The following TNXB variants were observed in gnomAD, a reference collection of about 807,000 sequenced individuals.
TNXB encodes tenascin-X.
A neutral mutation model predicts 340.5 loss-of-function variants in TNXB; 183 were observed. The observed-to-expected ratio is 0.54, with a 90% confidence interval of 0.48 to 0.61. The LOEUF is 0.61. TNXB is among the 20% of genes least tolerant of loss of function. TNXB has a pLI of 0.00. For missense variants in TNXB, 4,613 were observed against 5,446.4 expected, an observed-to-expected ratio of 0.85 and a Z score of 4.82; for synonymous variants, 2,121 against 2,314.5, an observed-to-expected ratio of 0.92 and a Z score of 2.40.
chr6:32,076,710 G>A (rs1040298145), intron 11 of TNXB, among the ~76,000 whole-genome samples: 1 of 152,198 alleles, frequency 6.6e-6, no homozygotes, highest in African/African-American at 2.4e-5. Context: ...GGCTGGGCAC[G>A]GTGCCTCACG....
rs375984855 is a variant in TNXB at position 32,096,498 on chromosome 6, C to T, written c.1355G>A (p.Cys452Tyr). ...RGRCENGVCVCNAGYSGEDCG... is the reference protein window; with the variant it reads ...RGRCENGVCVYNAGYSGEDCG... The stretch of plus-strand genomic sequence containing the variant: ...GTCCTCGCCGCTGTAGCCCGCATTG[C>T]AAACACACACGCCGTTCTCGCAGCG... The change falls in exon 3 of 44, where the codon TGC (cysteine) becomes TAC (tyrosine). Residue 452 changes from cysteine (C) to tyrosine (Y), a missense_variant. Cys to Tyr is a radical substitution (Grantham distance 194). Around this residue, in one of 7 missense-constraint regions of TNXB, gnomAD observed 4,327 missense variants for 4,859.4 expected, o/e 0.89. Transcript: ENST00000644971. The T allele has an allele frequency of 1.6e-4, 264 of 1,601,112 alleles. 1 individual carries two copies. The African/African-American group carries it at 3.2e-3, about 19-fold the overall frequency.
rs764131767 is a variant in TNXB, at chr6:32,048,578, G to A, written c.9830C>T (p.Ser3277Leu). 6.4e-7 allele frequency: 1 copy of A among 1,553,494 alleles called. No homozygotes were observed. The highest frequency in any genetic ancestry group is 8.7e-7 in the Non-Finnish European group (1 of 1,146,380). ...ELAVAAVTSDSVGLSWTVAQG... is the reference protein window; with the variant it reads ...ELAVAAVTSDLVGLSWTVAQG... ...GGCCACCGTCCATGAGAGGCCCACT[G>A]AGTCCGAGGTCACGGCCGCCACCGC... is the stretch of plus-strand genomic sequence containing the variant. Residue 3277 changes from serine to leucine, a missense_variant, in exon 29 of 44, where the codon TCA becomes TTA. Around this residue, in one of 7 missense-constraint regions of TNXB, gnomAD observed 4,327 missense variants for 4,859.4 expected, o/e 0.89. Coordinates refer to ENST00000644971, the MANE Select transcript of TNXB (RefSeq NM_001365276.2).
In TNXB at chr6:32,069,864, G is replaced by C. The variant is rs1778655184; in HGVS notation, c.5279-3C>G. The stretch of plus-strand genomic sequence containing the variant: ...ATCATCCATAGCACTCCGGGCTTCT[G>C]AGATGGAGACACGGAGAGGAAACGG... On this transcript the variant is annotated splice_polypyrimidine_tract_variant and splice_region_variant and intron_variant, in intron 14 of 43. Coordinates refer to ENST00000644971, the MANE Select transcript of TNXB (RefSeq NM_001365276.2). The surrounding 1 kb of genome is among the most constrained non-coding windows in gnomAD (Gnocchi z 6.2). 6.3e-7 allele frequency: 1 copy of C among 1,582,116 alleles called. No individual in the cohort carries two copies.
At position 32,049,349 on chromosome 6, in the gene TNXB, G is replaced by C. The variant is rs370447794; in HGVS notation, c.9678C>G (p.Pro3226=). The change falls in exon 28 of 44, where the codon CCC becomes CCG. Residue 3226 remains proline, a synonymous_variant. Transcript: ENST00000644971. The surrounding 1 kb of genome is among the most constrained non-coding windows in gnomAD (Gnocchi z 4.5). The part of the protein sequence containing the change: ...ESEVTVGGLE[P]GRKYKMHLYG... ...ACAGATGCATCTTGTATTTGCGCCC[G>C]GGCTCCAGGCCCCCCACGGTGACCT... 249 of 1,612,438 alleles carry C rather than the reference G, an allele frequency of 1.5e-4. No homozygotes were observed. The African/African-American group carries it at 2.3e-3, about 15-fold the overall frequency.
rs1403811998 is a variant in TNXB, at chr6:32,083,680, T to C, written c.3445+733A>G. ...TTTTTTTTGAGACAGGGTGTTGCTC[T>C]GTGCAGAGTGTGGATAGCACCCAGG... is the stretch of plus-strand genomic sequence containing the variant. On this transcript the variant is annotated intron_variant, in intron 8 of 43. Transcript: ENST00000644971. The surrounding 1 kb of genome is among the most constrained non-coding windows in gnomAD (Gnocchi z 4.6). Among the ~76,000 whole-genome samples the C allele has an allele frequency of 6.6e-6, 1 of 152,094 alleles. No homozygotes were observed. Among genetic ancestry groups the C allele is most frequent in the Non-Finnish European group, 1.5e-5 (1 of 67,998 alleles).
In TNXB at chr6:32,098,137, G is replaced by GCTGTGCT; in HGVS notation, c.55_61dup (p.Ala21GlufsTer60). ...CCGTGAAGAGAAGGGGCCTGCTCTG[G>GCTGTGCT]CTGTGCTCAGCAGCACCAGGAGAAC... On this transcript the variant is annotated frameshift_variant, in exon 2 of 44. Coordinates refer to ENST00000644971, the MANE Select transcript of TNXB (RefSeq NM_001365276.2). LOFTEE classifies it high-confidence loss of function. 2 of 1,583,702 alleles carry GCTGTGCT rather than the reference G, an allele frequency of 1.3e-6. No homozygotes were observed. Among genetic ancestry groups the GCTGTGCT allele is most frequent in the Non-Finnish European group, 1.7e-6 (2 of 1,161,412 alleles).
At position 32,083,801 on chromosome 6, in the gene TNXB, C is replaced by T. The variant is rs547473215; in HGVS notation, c.3445+612G>A. 1.3e-5 allele frequency among the ~76,000 whole-genome samples: 2 copies of T among 152,098 alleles called. No individual in the cohort carries two copies. The highest frequency in any genetic ancestry group is 6.6e-5 in the Admixed American group (1 of 15,264). ...CAAGCCTCTCAAGTAGCTGGGACTA[C>T]AGGCACGCACCACCACGCCTGGCTA... On this transcript the variant is annotated intron_variant, in intron 8 of 43. Coordinates refer to ENST00000644971, the MANE Select transcript of TNXB (RefSeq NM_001365276.2). This position sits in a 1 kb window ranked among gnomAD's most constrained non-coding sequence, Gnocchi z 4.6.
intron 34 of TNXB, 31 bp from the exon 35 acceptor site, chr6:32,043,923 G>A (rs777041397): frequency 1.2e-6 from 2 of 1,613,188 alleles, no homozygotes; most frequent in Non-Finnish European, 8.5e-7. Flanking sequence ...GGGTTACCCA[G>A]GGAACCCCAG....
At chr6:32,053,803 G>C in intron 24 of TNXB, 92 bp from the exon 25 acceptor site, 1 of 1,430,820 alleles carries the variant, frequency 7.0e-7, no homozygotes, top group South Asian at 1.3e-5. Flanking sequence ...CCCAAGAGCA[G>C]GACGATGCTG....
Position 32,083,292 on chromosome 6 carries a change from A to C in TNXB, c.3446-966T>G, listed in dbSNP as rs1010564425. 4.0e-5 allele frequency among the ~76,000 whole-genome samples: 6 copies of C among 151,886 alleles called. No homozygotes were observed. The highest frequency in any genetic ancestry group is 8.8e-5 in the Non-Finnish European group (6 of 67,976). On this transcript the variant is annotated intron_variant, in intron 8 of 43. Transcript: ENST00000644971. The surrounding 1 kb of genome is among the most constrained non-coding windows in gnomAD (Gnocchi z 4.6). Reference sequence around the variant, plus strand: ...CCTCCGCTGTGAGTGTAGGCTGTCGACAGGGTTCCAGTGGCCCTGTCTCTT... The same window carrying C: ...CCTCCGCTGTGAGTGTAGGCTGTCGCCAGGGTTCCAGTGGCCCTGTCTCTT...
Position 32,046,161 on chromosome 6 carries a change from C to A in TNXB, c.10606+14G>T. 1 of 1,575,524 alleles carries A rather than the reference C, an allele frequency of 6.3e-7. No homozygotes were observed. Among genetic ancestry groups the A allele is most frequent in the Non-Finnish European group, 8.7e-7 (1 of 1,155,116 alleles). ...CACAAGCTGGCTTGCTATAGCCAGG[C>A]ACAGCAGCCTCACCTGTCATTCCCA... On this transcript the variant is annotated intron_variant, in intron 31 of 43. Transcript: ENST00000644971. This position sits in a 1 kb window ranked among gnomAD's most constrained non-coding sequence, Gnocchi z 6.9.
rs1382625728 is a variant in TNXB at position 32,095,127 on chromosome 6, C to T, written c.2307G>A (p.Trp769Ter). 1 of 1,549,716 alleles carries T rather than the reference C, an allele frequency of 6.5e-7. No homozygotes were observed. Reference protein sequence around the residue: ...LLEETTVRTEWTPAPGPVDAY... With the variant: ...LLEETTVRTE ...CATCCACGGGGCCAGGAGCCGGGGT[C>T]CACTCTGTCCGAACTGTTGTCTCCT... Residue 769 changes from tryptophan to a stop codon, truncating the protein, a stop_gained, in exon 4 of 44, where the codon TGG becomes TGA. Coordinates refer to ENST00000644971, the MANE Select transcript of TNXB (RefSeq NM_001365276.2). LOFTEE classifies it high-confidence loss of function.
Position 32,068,026 on chromosome 6 carries a change from A to C in TNXB, c.6221-42T>G, listed in dbSNP as rs750348455. ...GAGAGTGAGGGGGATGTCCTTGGGT[A>C]CTGGGGAAAAGGAGGGAGAAGCCAA... On this transcript the variant is annotated intron_variant, in intron 17 of 43. Coordinates refer to ENST00000644971, the MANE Select transcript of TNXB (RefSeq NM_001365276.2). This position sits in a 1 kb window ranked among gnomAD's most constrained non-coding sequence, Gnocchi z 5.3. 3.8e-6 allele frequency: 6 copies of C among 1,591,482 alleles called. No individual in the cohort carries two copies. The highest frequency in any genetic ancestry group is 1.7e-5 in the Admixed American group (1 of 58,772).
chr6:32,091,289 T>C (rs544524647), intron 4 of TNXB, among the ~76,000 whole-genome samples: 1 of 152,232 alleles, frequency 6.6e-6, no homozygotes, highest in Non-Finnish European at 1.5e-5. Context: ...TTTGTATTTT[T>C]AGTAGAGACG....
rs1363513422 is a variant in TNXB, at chr6:32,053,472, C to T, written c.8707G>A (p.Glu2903Lys). 1.2e-6 allele frequency: 2 copies of T among 1,613,388 alleles called. No individual in the cohort carries two copies. The highest frequency in any genetic ancestry group is 8.5e-7 in the Non-Finnish European group (1 of 1,179,882). Residue 2903 changes from glutamate to lysine, a missense_variant, in exon 25 of 44, where the codon GAG (glutamate) becomes AAG (lysine). Around this residue, in one of 7 missense-constraint regions of TNXB, gnomAD observed 4,327 missense variants for 4,859.4 expected, o/e 0.89. Coordinates refer to ENST00000644971, the MANE Select transcript of TNXB (RefSeq NM_001365276.2). ...HEDGVTISGL[E>K]PDHKYKMNLY... is the part of the protein sequence containing the mutation. ...TTCATCTTGTACTTGTGGTCTGGCTCCAGGCCTGAGATGGTGACCCCGTCC... is the reference window on the plus strand; with the variant it reads ...TTCATCTTGTACTTGTGGTCTGGCTTCAGGCCTGAGATGGTGACCCCGTCC...
rs1469878146 is a variant in TNXB, at chr6:32,084,210, C to G, written c.3445+203G>C. Among the ~76,000 whole-genome samples, 3 of 152,198 alleles carry G rather than the reference C, an allele frequency of 2.0e-5. No homozygotes were observed. The highest frequency in any genetic ancestry group is 4.8e-5 in the African/African-American group (2 of 41,440). The stretch of plus-strand genomic sequence containing the variant: ...ATTCTCTTACTGGCCATGCTCTCCC[C>G]ACCTTACTCACCGTGACTCCCTCAG... On this transcript the variant is annotated intron_variant, in intron 8 of 43. Coordinates refer to ENST00000644971, the MANE Select transcript of TNXB (RefSeq NM_001365276.2). The surrounding 1 kb of genome is among the most constrained non-coding windows in gnomAD (Gnocchi z 5.5).
In TNXB at chr6:32,056,063, A is replaced by T; in HGVS notation, c.8255T>A (p.Leu2752Gln). The T allele has an allele frequency of 6.2e-7, 1 of 1,612,856 alleles. No individual in the cohort carries two copies. Among genetic ancestry groups the T allele is most frequent in the Non-Finnish European group, 8.5e-7 (1 of 1,179,866 alleles). Residue 2752 changes from leucine (L) to glutamine (Q), a missense_variant, in exon 24 of 44, where the codon CTG (leucine) becomes CAG (glutamine). Around this residue, in one of 7 missense-constraint regions of TNXB, gnomAD observed 4,327 missense variants for 4,859.4 expected, o/e 0.89. Transcript: ENST00000644971. ...LTVTGSSPDSLSLSWTIPQGH... is the reference protein window; with the variant it reads ...LTVTGSSPDSQSLSWTIPQGH... ...CTGGGGGATGGTCCAGGAGAGGCTCAGCGAGTCAGGGGAGGATCCTGTCAC... is the reference window on the plus strand; with the variant it reads ...CTGGGGGATGGTCCAGGAGAGGCTCTGCGAGTCAGGGGAGGATCCTGTCAC...
chr6:32,098,181 A>T lies in TNXB; in HGVS notation c.18T>A (p.Tyr6Ter). ...GGAGAACCAGGCTGGAGGTTAGAGC[A>T]TACTGGGCTGGCATCATTCAGGAGG... The part of the protein sequence containing the change: MMPAQ[Y>*]ALTSSLVLLV... Residue 6 changes from tyrosine to a stop codon, truncating the protein, a stop_gained, in exon 2 of 44, where the codon TAT becomes TAA. Transcript: ENST00000644971. LOFTEE classifies it high-confidence loss of function. The T allele has an allele frequency of 7.8e-6, 12 of 1,536,006 alleles. No homozygotes were observed. Among genetic ancestry groups the T allele is most frequent in the Non-Finnish European group, 1.1e-5 (12 of 1,138,072 alleles).
Position 32,067,669 on chromosome 6 carries a change from C to A in TNXB, c.6536G>T (p.Gly2179Val). 1 of 1,613,260 alleles carries A rather than the reference C, an allele frequency of 6.2e-7. No individual in the cohort carries two copies. The highest frequency in any genetic ancestry group is 8.5e-7 in the Non-Finnish European group (1 of 1,179,460). Residue 2179 changes from glycine (G) to valine (V), a missense_variant, in exon 18 of 44, where the codon GGC becomes GTC. By Grantham distance (109) the Gly-to-Val change is moderately radical. Coordinates refer to ENST00000644971, the MANE Select transcript of TNXB (RefSeq NM_001365276.2). This position sits in a 1 kb window ranked among gnomAD's most constrained non-coding sequence, Gnocchi z 4.2. ...CTGCAGTGCACACTCACCCGTGACGCCCACAGCAGACACTGGGCCCACGCG... is the reference window on the plus strand; with the variant it reads ...CTGCAGTGCACACTCACCCGTGACGACCACAGCAGACACTGGGCCCACGCG... ...GRRVGPVSAVGVTAPEEESPD... is the reference protein window; with the variant it reads ...GRRVGPVSAVVVTAPEEESPD...
Sources: gnomAD v4.1 joint callset for allele counts (sites outside exome capture counted in the v4.1 genomes callset) on GRCh38, gnomAD v4.1.1 for gene constraint, gnomAD v4.1.1 regional missense constraint, Gnocchi (gnomAD v3.1) non-coding constraint, MANE v1.5 for transcripts, NCBI Gene and HGNC (gene_info 2026-07-23, HGNC 2026-07-21) for gene names.